SRC: variants seen among roughly 807,000 people sequenced by gnomAD.
The protein encoded by SRC is SRC proto-oncogene, non-receptor tyrosine kinase, also known as proto-oncogene tyrosine-protein kinase Src.
SRC carries 13 observed loss-of-function variants against 62.9 expected under a neutral mutation model. The ratio of observed to expected loss-of-function variants is 0.21; its 90% confidence interval spans 0.13 to 0.33. The LOEUF (loss-of-function observed/expected upper bound fraction) is 0.33, where lower values mean the gene tolerates loss of function less well. Among genes scored for constraint, SRC ranks in the 10% least tolerant of loss-of-function variants. The pLI, the probability that SRC is intolerant of heterozygous loss-of-function variation, is 1.00. For missense variants in SRC, 457 were observed against 737.3 expected (o/e 0.62, Z 4.40); for synonymous variants, 302 against 317.5 (o/e 0.95, Z 0.52).
chr20:37,375,307 C>CT lies in SRC; in HGVS notation c.-172-7311dup, dbSNP rs201616773. On this transcript the variant is annotated intron_variant, in intron 2 of 13. Transcript: ENST00000373578. ...AGTGCAGTGCTGTGATAATGGCTCACTGCAGCCTCAACCTTCCAGACTCAA... is the reference window on the plus strand; with the variant it reads ...AGTGCAGTGCTGTGATAATGGCTCACTTGCAGCCTCAACCTTCCAGACTCAA... Among the ~76,000 whole-genome samples the CT allele has an allele frequency of 3.1e-3, 475 of 152,006 alleles. 6 individuals carry two copies. In the East Asian group the frequency reaches 0.04, roughly 13 times the overall value.
At position 37,397,896 on chromosome 20, in the gene SRC, C is replaced by T. The variant is rs536080837; in HGVS notation, c.859+42C>T. On this transcript the variant is annotated intron_variant, in intron 9 of 13. Coordinates refer to ENST00000373578, the MANE Select transcript of SRC (RefSeq NM_198291.3). The surrounding 1 kb of genome is among the most constrained non-coding windows in gnomAD (Gnocchi z 4.1). ...GCCCTCGGGAGAGGCATCCACCCCC[C>T]ACCCCGTGTGGCAGCTCCGGGCTCC... The T allele has an allele frequency of 1.1e-4, 179 of 1,576,946 alleles. No individual in the cohort carries two copies. The East Asian group carries it at 3.8e-3, about 33-fold the overall frequency.
rs558052546 is a variant in SRC, at chr20:37,358,549, C to T, written c.-246-6655C>T. 2.6e-5 allele frequency among the ~76,000 whole-genome samples: 4 copies of T among 152,362 alleles called. No homozygotes were observed. The Middle Eastern group carries it at 0.01, about 389-fold the overall frequency. ...CTCACCTCTCCTTGCCCTCTTCAGG[C>T]GCCACCCACTTCCAGGCAGTACGCT... is the stretch of plus-strand genomic sequence containing the variant. On this transcript the variant is annotated intron_variant, in intron 1 of 13. Transcript: ENST00000373578.
rs1206123440 is a variant in SRC, at chr20:37,384,317, C to T, written c.164C>T (p.Ala55Val). ...DGHRGPSAAF[A>V]PAAAEPKLFG... Reference sequence around the variant, plus strand: ...CACCGCGGCCCCAGCGCGGCCTTCGCCCCCGCGGCCGCCGAGCCCAAGCTG... The same window carrying T: ...CACCGCGGCCCCAGCGCGGCCTTCGTCCCCGCGGCCGCCGAGCCCAAGCTG... The change falls in exon 4 of 14, where the codon GCC becomes GTC. Residue 55 changes from alanine (A) to valine (V), a missense_variant. Physicochemically the swap from Ala to Val is moderately conservative, Grantham distance 64 (BLOSUM62 0). Transcript: ENST00000373578. This position sits in a 1 kb window ranked among gnomAD's most constrained non-coding sequence, Gnocchi z 6.7. 1.4e-6 allele frequency: 2 copies of T among 1,466,152 alleles called. No individual in the cohort carries two copies. Among genetic ancestry groups the T allele is most frequent in the African/African-American group, 1.5e-5 (1 of 67,494 alleles). 90.8% of individuals were successfully genotyped at this position (1,466,152 alleles called of 1,614,324 possible).
At chr20:37,386,993 T>G (rs555629219) in intron 5 of SRC, among the ~76,000 whole-genome samples, 2 of 152,238 alleles carry the variant, frequency 1.3e-5, no homozygotes, top group East Asian at 3.9e-4. Context: ...GGAAAGCCAG[T>G]GAAGTTATCT....
Position 37,403,150 on chromosome 20 carries a change from C to T in SRC, c.1403-21C>T, listed in dbSNP as rs1033830914. ...CTTTCCTCACCGGAGCCGGGCTCCC[C>T]ATGCCTCGCTCTGCCCACAGGGATG... On this transcript the variant is annotated intron_variant, in intron 13 of 13. Coordinates refer to ENST00000373578, the MANE Select transcript of SRC (RefSeq NM_198291.3). This position sits in a 1 kb window ranked among gnomAD's most constrained non-coding sequence, Gnocchi z 7.1. 2.0e-6 allele frequency: 3 copies of T among 1,519,056 alleles called. No individual in the cohort carries two copies. The highest frequency in any genetic ancestry group is 1.4e-5 in the African/African-American group (1 of 72,696). 94.1% of individuals were successfully genotyped at this position (1,519,056 alleles called of 1,614,324 possible).
intron 2 of SRC, among the ~76,000 whole-genome samples, chr20:37,370,678 TAGA>T (rs543911432): frequency 8.7e-4 from 133 of 152,350 alleles, no homozygotes; most frequent in Non-Finnish European, 1.7e-3. Context: ...TAGTATTTTG[TAGA>T]AGATTTATAT....
chr20:37,398,068 A>G lies in SRC; in HGVS notation c.859+214A>G, dbSNP rs2070685128. Among the ~76,000 whole-genome samples the G allele has an allele frequency of 6.6e-6, 1 of 152,196 alleles. No individual in the cohort carries two copies. The highest frequency in any genetic ancestry group is 1.5e-5 in the Non-Finnish European group (1 of 68,034). ...CGTGCAAACCATAGTGCCTGATTCC[A>G]AGATCCGCACAGGGCTGGGCATTGC... On this transcript the variant is annotated intron_variant, in intron 9 of 13. Transcript: ENST00000373578. This position sits in a 1 kb window ranked among gnomAD's most constrained non-coding sequence, Gnocchi z 5.2.
At position 37,402,204 on chromosome 20, in the gene SRC, C is replaced by A; in HGVS notation, c.1117-231C>A. The A allele has an allele frequency of 2.0e-6, 1 of 504,954 alleles. No individual in the cohort carries two copies. Among genetic ancestry groups the A allele is most frequent in the African/African-American group, 1.9e-5 (1 of 51,460 alleles). The allele number at this position is 504,954 out of a possible 1,614,324, so 31.3% of individuals were successfully genotyped here. A position where few individuals can be genotyped will look rare whatever the true frequency, so the allele number is the denominator to read the frequency against. On this transcript the variant is annotated intron_variant, in intron 11 of 13. Transcript: ENST00000373578. The surrounding 1 kb of genome is among the most constrained non-coding windows in gnomAD (Gnocchi z 6.2). Reference sequence around the variant, plus strand: ...TGGCTGCATCGGATCTCGTGCCTCCCCTTTGACCTTTGCCTTCTGCCCTCT... The same window carrying A: ...TGGCTGCATCGGATCTCGTGCCTCCACTTTGACCTTTGCCTTCTGCCCTCT...
At chr20:37,365,968 T>C (rs2070057411) in intron 2 of SRC, among the ~76,000 whole-genome samples, 1 of 152,166 alleles carries the variant, frequency 6.6e-6, no homozygotes, top group Non-Finnish European at 1.5e-5. Flanking sequence ...CTTGACAGTG[T>C]ACCTCAGAGA....
At chr20:37,401,060 G>T (rs995223806) in intron 10 of SRC, among the ~76,000 whole-genome samples, 5 of 152,058 alleles carry the variant, frequency 3.3e-5, no homozygotes, top group African/African-American at 4.8e-5. Context: ...GCAGTGGCGT[G>T]ATCATAGCTC....
intron 2 of SRC, among the ~76,000 whole-genome samples, chr20:37,373,154 AC>A (rs2070200412): frequency 7.6e-6 from 1 of 131,648 alleles, no homozygotes; most frequent in Non-Finnish European, 1.6e-5. Context: ...ACATATACAC[AC>A]ATACACACAT....
intron 7 of SRC, among the ~76,000 whole-genome samples, chr20:37,395,177 G>C (rs1292378629): frequency 6.6e-6 from 1 of 152,246 alleles, no homozygotes; most frequent in Non-Finnish European, 1.5e-5. Context: ...CCCCGGATGT[G>C]GGTTTGAGCC....
chr20:37,361,295 C>T (rs1330999730), intron 1 of SRC, among the ~76,000 whole-genome samples: 1 of 152,154 alleles, frequency 6.6e-6, no homozygotes, highest in South Asian at 2.1e-4. Context: ...TATCATCTTA[C>T]GATCACCCGT....
chr20:37,379,810 C>T (rs1263721171), intron 2 of SRC, among the ~76,000 whole-genome samples: 1 of 144,646 alleles, frequency 6.9e-6, no homozygotes, highest in East Asian at 2.0e-4. Flanking sequence ...GCAGGAGAAC[C>T]GCTGGAACCC....
intron 1 of SRC, among the ~76,000 whole-genome samples, chr20:37,364,997 G>A (rs1298550705): frequency 1.3e-5 from 2 of 152,116 alleles, no homozygotes; most frequent in East Asian, 3.9e-4. Context: ...GGAGATGCTG[G>A]TCCTTGGAAC....
chr20:37,392,439 T>G (rs2070566220), intron 5 of SRC, among the ~76,000 whole-genome samples: 1 of 152,146 alleles, frequency 6.6e-6, no homozygotes, highest in South Asian at 2.1e-4. Context: ...CAGGTTCATG[T>G]TCAGATTGTG....
rs2070749597 is a variant in SRC, at chr20:37,402,312, C to T, written c.1117-123C>T. The T allele has an allele frequency of 8.0e-7, 1 of 1,251,062 alleles. No individual in the cohort carries two copies. Among genetic ancestry groups the T allele is most frequent in the African/African-American group, 1.5e-5 (1 of 66,614 alleles). The allele number at this position is 1,251,062 out of a possible 1,614,324, so 77.5% of individuals were successfully genotyped here. On this transcript the variant is annotated intron_variant, in intron 11 of 13. Coordinates refer to ENST00000373578, the MANE Select transcript of SRC (RefSeq NM_198291.3). This position sits in a 1 kb window ranked among gnomAD's most constrained non-coding sequence, Gnocchi z 6.2. Reference sequence around the variant, plus strand: ...CAGCATTTACTGTGAACTGACCTCACTTGCCTGAAGAAGTGTGGGGAGGGT... The same window carrying T: ...CAGCATTTACTGTGAACTGACCTCATTTGCCTGAAGAAGTGTGGGGAGGGT...
rs2069715018 is a variant in SRC at position 37,346,216 on chromosome 20, GCGTCCGTCTGCCGGTGAGCCCGCC to G, written c.-283_-260del. The G allele has an allele frequency of 6.6e-6, 1 of 150,998 alleles. No homozygotes were observed. The highest frequency in any genetic ancestry group is 2.4e-5 in the African/African-American group (1 of 41,176). 9.4% of individuals were successfully genotyped at this position (150,998 alleles called of 1,614,324 possible). On this transcript the variant is annotated 5_prime_UTR_variant, in exon 1 of 14. Transcript: ENST00000373578. ...GACGTCCCGCGGTCCGCCCTCCCGT[GCGTCCGTCTGCCGGTGAGCCCGCC>G]CGCCCGCCGGCCCAGGTGAGCGCCC...
intron 1 of SRC, 132 bp downstream of exon 1, chr20:37,346,387 T>G: frequency 1.5e-5 from 2 of 137,798 alleles, no homozygotes; most frequent in East Asian, 2.6e-4. Flanking sequence ...CCACCCCCCC[T>G]CCGGGCCAAG....
Sources: gnomAD v4.1 joint callset for allele counts (sites outside exome capture counted in the v4.1 genomes callset) on GRCh38, gnomAD v4.1.1 for gene constraint, Gnocchi (gnomAD v3.1) non-coding constraint, MANE v1.5 for transcripts, NCBI Gene and HGNC (gene_info 2026-07-23, HGNC 2026-07-21) for gene names.